Variants in TRPM6 observed in about 807,000 individuals in gnomAD.
The protein encoded by TRPM6 is channel kinase 2.
TRPM6 carries 111 observed loss-of-function variants against 247.6 expected under a neutral mutation model. The ratio of observed to expected loss-of-function variants is 0.45; its 90% confidence interval spans 0.38 to 0.52. The LOEUF is 0.52. Ranked by LOEUF, TRPM6 falls within the 20% of genes least tolerant of loss-of-function variation. The pLI, the probability that TRPM6 is intolerant of heterozygous loss-of-function variation, is 0.00. For synonymous variants in TRPM6, 892 were observed against 853.8 expected (o/e 1.04, Z -0.78); for missense variants, 2,126 against 2,421.5 (o/e 0.88, Z 2.56).
intron 25 of TRPM6, among the ~76,000 whole-genome samples, chr9:74,766,465 G>A (rs973296851): frequency 2.0e-5 from 3 of 152,122 alleles, no homozygotes; most frequent in African/African-American, 4.8e-5. Flanking sequence ...ATGAGATAAC[G>A]GCAAGTATAA....
chr9:74,773,127 A>AAAC (rs547034582), intron 24 of TRPM6, among the ~76,000 whole-genome samples: 303 of 151,950 alleles, frequency 2.0e-3, no homozygotes, highest in African/African-American at 3.5e-3. Flanking sequence ...ACTCCATCTC[A>AAAC]AACAACAACA....
At position 74,762,128 on chromosome 9, in the gene TRPM6, C is replaced by T; in HGVS notation, c.4543G>A (p.Val1515Met). 2 of 1,614,238 alleles carry T rather than the reference C, an allele frequency of 1.2e-6. No individual in the cohort carries two copies. Among genetic ancestry groups the T allele is most frequent in the Non-Finnish European group, 1.7e-6 (2 of 1,180,048 alleles). Residue 1515 changes from valine to methionine, a missense_variant, in exon 26 of 39, where the codon GTG (valine) becomes ATG (methionine). Transcript: ENST00000360774. ...GTGTTTGGCTGAAGCCATGGTCCCA[C>T]CTCTGAGCATTCACTACTCTGGGCC... Reference protein sequence around the residue: ...RSAQSSECSEVGPWLQPNTSF... With the variant: ...RSAQSSECSEMGPWLQPNTSF...
intron 12 of TRPM6, among the ~76,000 whole-genome samples, chr9:74,811,657 T>C (rs1179461196): frequency 6.6e-6 from 1 of 152,210 alleles, no homozygotes; most frequent in East Asian, 1.9e-4. Context: ...TAGGATAAAA[T>C]AGAATTGGTA....
At chr9:74,884,057 G>C (rs963678046) in intron 1 of TRPM6, among the ~76,000 whole-genome samples, 1 of 152,222 alleles carries the variant, frequency 6.6e-6, no homozygotes, top group Non-Finnish European at 1.5e-5. Flanking sequence ...GCTGAGGCAG[G>C]AGAATCGCTT....
intron 38 of TRPM6, among the ~76,000 whole-genome samples, chr9:74,726,553 A>G (rs1825332921): frequency 6.6e-6 from 1 of 152,202 alleles, no homozygotes; most frequent in South Asian, 2.1e-4. Context: ...CCAGTGTAGT[A>G]TAAAAAAATT....
chr9:74,756,059 T>C (rs1826420450), intron 27 of TRPM6, among the ~76,000 whole-genome samples: 2 of 152,220 alleles, frequency 1.3e-5, no homozygotes. Context: ...GGTAAATTGG[T>C]AACTCAAAAG....
Position 74,739,896 on chromosome 9 carries a change from G to T in TRPM6, c.5314C>A (p.Arg1772=). Residue 1772 remains arginine, a synonymous_variant, in exon 34 of 39, where the codon CGA becomes AGA. Coordinates refer to ENST00000360774, the MANE Select transcript of TRPM6 (RefSeq NM_017662.5). ...CGGAGGCCCCCATCCATCTCCTCTC[G>T]GGACAATACCTGGATCATTGCCGCT... The part of the protein sequence containing the change: ...GRAAMIQVLS[R]EEMDGGLRKA... 6.2e-7 allele frequency: 1 copy of T among 1,613,974 alleles called. No homozygotes were observed. The highest frequency in any genetic ancestry group is 8.5e-7 in the Non-Finnish European group (1 of 1,180,002).
chr9:74,879,967 C>T (rs907895025), intron 1 of TRPM6, among the ~76,000 whole-genome samples: 3 of 152,184 alleles, frequency 2.0e-5, no homozygotes, highest in African/African-American at 4.8e-5. Flanking sequence ...GAGTCCCCAA[C>T]TTGTGTGATC....
At chr9:74,761,573 T>C in intron 27 of TRPM6, 123 bp downstream of exon 27, 2 of 725,016 alleles carry the variant, frequency 2.8e-6, no homozygotes, top group Non-Finnish European at 5.0e-6. Flanking sequence ...AATTATATCT[T>C]CAATCCTTTC....
At chr9:74,777,975 T>TAGCTAGCAACTTGGATAAAA (rs1827284801) in intron 23 of TRPM6, among the ~76,000 whole-genome samples, 1 of 152,184 alleles carries the variant, frequency 6.6e-6, no homozygotes, top group Non-Finnish European at 1.5e-5. Context: ...CACTGATGTG[T>TAGCTAGCAACTTGGATAAAA]AGCTAGCAAC....
intron 14 of TRPM6, among the ~76,000 whole-genome samples, chr9:74,807,186 C>A (rs993867466): frequency 1.3e-5 from 2 of 152,118 alleles, no homozygotes; most frequent in Non-Finnish European, 2.9e-5. Context: ...TAAAGGATCC[C>A]AAGTAGCTTG....
intron 22 of TRPM6, 84 bp from the exon 23 acceptor site, chr9:74,782,560 G>T: frequency 6.9e-7 from 1 of 1,444,508 alleles, no homozygotes; most frequent in Non-Finnish European, 9.7e-7. Flanking sequence ...CACATTAACT[G>T]CACAGAATAC....
chr9:74,844,142 A>G (rs1365768085), intron 3 of TRPM6, among the ~76,000 whole-genome samples: 1 of 152,214 alleles, frequency 6.6e-6, no homozygotes, highest in Non-Finnish European at 1.5e-5. Context: ...TAAGGGACCT[A>G]AAATTTTGGC....
At chr9:74,852,948 G>A (rs1420708806) in intron 3 of TRPM6, among the ~76,000 whole-genome samples, 1 of 152,008 alleles carries the variant, frequency 6.6e-6, no homozygotes, top group African/African-American at 2.4e-5. Context: ...CTGCTTGGCC[G>A]CCCATCGTCT....
intron 1 of TRPM6, among the ~76,000 whole-genome samples, chr9:74,865,984 C>A (rs1830831990): frequency 6.6e-6 from 1 of 152,246 alleles, no homozygotes; most frequent in South Asian, 2.1e-4. Flanking sequence ...ACCAACCTCT[C>A]AGACAATAAA....
intron 1 of TRPM6, among the ~76,000 whole-genome samples, chr9:74,861,991 T>G (rs946844195): frequency 2.7e-5 from 4 of 150,722 alleles, no homozygotes; most frequent in Non-Finnish European, 4.4e-5. Context: ...CAGGAACCCA[T>G]GTATACTATT....
intron 9 of TRPM6, among the ~76,000 whole-genome samples, chr9:74,818,848 G>A (rs7848067): frequency 0.037 from 5,558 of 151,712 alleles, 348 homozygotes; most frequent in African/African-American, 0.13. Flanking sequence ...CCTCTAGCCA[G>A]AACACTTCAG....
chr9:74,857,388 G>A (rs7041575), intron 2 of TRPM6, among the ~76,000 whole-genome samples: 5,015 of 152,044 alleles, frequency 0.033, 303 homozygotes, highest in African/African-American at 0.12. Flanking sequence ...GGCATATAAG[G>A]ACAAATGCCC....
At chr9:74,754,622 A>G (rs1252317421) in intron 28 of TRPM6, among the ~76,000 whole-genome samples, 1 of 152,230 alleles carries the variant, frequency 6.6e-6, no homozygotes, top group East Asian at 1.9e-4. Context: ...GACAGCCTAA[A>G]TTTCAATACA....
Sources: allele counts gnomAD v4.1 joint callset (sites outside exome capture counted in the v4.1 genomes callset), GRCh38; gene constraint gnomAD v4.1.1; transcripts MANE v1.5; gene names NCBI Gene and HGNC (gene_info 2026-07-23, HGNC 2026-07-21).